HMG20A: variants seen among roughly 807,000 people sequenced by gnomAD.
HMG20A encodes high mobility group 20A, also known as high mobility group protein 20A.
In HMG20A, 17 loss-of-function variants were observed where a neutral mutation model predicts 43.9. The observed-to-expected ratio is 0.39, with a 90% CI of 0.27 to 0.58. The LOEUF (loss-of-function observed/expected upper bound fraction) is 0.58, where lower values mean the gene tolerates loss of function less well. Ranked by LOEUF, HMG20A falls within the 20% of genes least tolerant of loss-of-function variation. HMG20A has a pLI of 0.59. For synonymous variants in HMG20A, 132 were observed against 147.5 expected (o/e 0.89, Z 0.76); for missense variants, 341 against 438.2 (o/e 0.78, Z 1.98).
chr15:77,492,432 A>T, the HMG20A span, among the ~76,000 whole-genome samples: 749 of 152,270 alleles, frequency 4.9e-3, 8 homozygotes, highest in African/African-American at 0.016. Context: ...ATTTCCCCCC[A>T]TCCATTATTG....
the HMG20A span, among the ~76,000 whole-genome samples, chr15:77,502,722 C>T: frequency 5.3e-5 from 8 of 152,168 alleles, no homozygotes; most frequent in African/African-American, 1.9e-4. Flanking sequence ...AATCCCAGCA[C>T]TTCGAGAGGC....
intron 1 of HMG20A, among the ~76,000 whole-genome samples, chr15:77,451,185 C>T (rs1246946082): frequency 1.3e-5 from 2 of 152,082 alleles, no homozygotes; most frequent in African/African-American, 4.8e-5. Flanking sequence ...TTGGTTATGC[C>T]CAAGTTTTGG....
intron 2 of HMG20A, among the ~76,000 whole-genome samples, chr15:77,462,883 CTG>C (rs755327324): frequency 5.3e-5 from 8 of 151,580 alleles, no homozygotes; most frequent in Non-Finnish European, 7.4e-5. Context: ...AGCGGTTCTC[CTG>C]CCTCAGCCTT....
chr15:77,469,103 G>A (rs1259377014), intron 4 of HMG20A, among the ~76,000 whole-genome samples: 1 of 151,518 alleles, frequency 6.6e-6, no homozygotes, highest in African/African-American at 2.4e-5. Context: ...ATAGGTGGTG[G>A]TGTGTTCTCA....
intron 2 of HMG20A, among the ~76,000 whole-genome samples, chr15:77,458,767 A>T (rs1185912004): frequency 6.6e-6 from 1 of 152,250 alleles, no homozygotes; most frequent in African/African-American, 2.4e-5. Flanking sequence ...TATAGTCACC[A>T]TTAAGGAAAT....
At chr15:77,476,810 A>T (rs2072861101) in intron 6 of HMG20A, among the ~76,000 whole-genome samples, 1 of 152,210 alleles carries the variant, frequency 6.6e-6, no homozygotes, top group South Asian at 2.1e-4. Flanking sequence ...ATTCTTAAAG[A>T]TCATTGTGGA....
the HMG20A span, among the ~76,000 whole-genome samples, chr15:77,510,125 T>C: frequency 2.0e-5 from 3 of 152,186 alleles, no homozygotes; most frequent in Non-Finnish European, 4.4e-5. Context: ...CTGCTGCTCC[T>C]GCCCTTGGTG....
At chr15:77,423,642 G>A (rs895626787) in intron 1 of HMG20A, among the ~76,000 whole-genome samples, 8 of 152,146 alleles carry the variant, frequency 5.3e-5, no homozygotes, top group Non-Finnish European at 8.8e-5. Flanking sequence ...AAAACCGTAG[G>A]TCACAATTCT....
At chr15:77,511,960 A>G in the HMG20A span, among the ~76,000 whole-genome samples, 1 of 152,252 alleles carries the variant, frequency 6.6e-6, no homozygotes, top group African/African-American at 2.4e-5. Context: ...CTGTACACTC[A>G]TGTTTATAGC....
the HMG20A span, among the ~76,000 whole-genome samples, chr15:77,516,000 G>A: frequency 1.3e-5 from 2 of 152,208 alleles, no homozygotes; most frequent in African/African-American, 4.8e-5. Flanking sequence ...AGTTGCAGAT[G>A]TGGAGTTGGG....
At chr15:77,503,167 A>G in the HMG20A span, among the ~76,000 whole-genome samples, 2 of 152,166 alleles carry the variant, frequency 1.3e-5, no homozygotes, top group African/African-American at 4.8e-5. Flanking sequence ...AAGACAAAGC[A>G]TAGATAGATA....
chr15:77,422,624 A>G (rs549495573), intron 1 of HMG20A, among the ~76,000 whole-genome samples: 1 of 151,952 alleles, frequency 6.6e-6, no homozygotes, highest in East Asian at 1.9e-4. Flanking sequence ...AAAAATAGAT[A>G]AATAAATAAA....
chr15:77,445,587 G>A (rs1267187256), intron 1 of HMG20A, among the ~76,000 whole-genome samples: 1 of 151,270 alleles, frequency 6.6e-6, no homozygotes, highest in African/African-American at 2.4e-5. Flanking sequence ...TTTTCCTTTT[G>A]TTAAGTTGGG....
At chr15:77,457,029 C>T (rs564007435) in intron 1 of HMG20A, among the ~76,000 whole-genome samples, 1 of 152,320 alleles carries the variant, frequency 6.6e-6, no homozygotes, top group East Asian at 1.9e-4. Flanking sequence ...ACCTTCCATG[C>T]TCTACCTACT....
intron 7 of HMG20A, 75 bp from the exon 8 acceptor site, chr15:77,478,220 C>T (rs2072873661): frequency 2.1e-6 from 3 of 1,461,174 alleles, no homozygotes; most frequent in Admixed American, 3.4e-5. Flanking sequence ...AGCAGAACTT[C>T]CCTGTAAGAG....
chr15:77,447,076 C>T (rs1332046928), intron 1 of HMG20A, among the ~76,000 whole-genome samples: 1 of 152,170 alleles, frequency 6.6e-6, no homozygotes, highest in East Asian at 1.9e-4. Context: ...GGGAAGTACT[C>T]TACACTAAGG....
chr15:77,506,596 G>A, the HMG20A span, among the ~76,000 whole-genome samples: 1 of 152,206 alleles, frequency 6.6e-6, no homozygotes, highest in East Asian at 1.9e-4. Flanking sequence ...TCCCAAAGTG[G>A]GGGTTCTGGG....
chr15:77,427,001 G>A (rs1308834603), intron 1 of HMG20A, among the ~76,000 whole-genome samples: 5 of 152,162 alleles, frequency 3.3e-5, no homozygotes, highest in Non-Finnish European at 7.4e-5. Context: ...CTTGAAGGAA[G>A]CTTCAGATTT....
chr15:77,517,800 G>A, the HMG20A span, among the ~76,000 whole-genome samples: 1 of 151,832 alleles, frequency 6.6e-6, no homozygotes, highest in Non-Finnish European at 1.5e-5. Context: ...GCTTCCTGGA[G>A]ACACTTCGCA....
Sources: allele counts gnomAD v4.1 joint callset (sites outside exome capture counted in the v4.1 genomes callset), GRCh38; gene constraint gnomAD v4.1.1; transcripts MANE v1.5; gene names NCBI Gene and HGNC (gene_info 2026-07-23, HGNC 2026-07-21).